The following RIT2 variants were observed in gnomAD, a reference collection of about 807,000 sequenced individuals.
The protein encoded by RIT2 is GTP-binding protein Rit2.
A neutral mutation model predicts 23.7 loss-of-function variants in RIT2; 24 were observed. The observed-to-expected ratio is 1.01, with a 90% CI of 0.73 to 1.43. The LOEUF (loss-of-function observed/expected upper bound fraction) is 1.43, where lower values mean the gene tolerates loss of function less well. Ranked by LOEUF, RIT2 falls within the 40% of genes most tolerant of loss-of-function variation. RIT2 has a pLI of 0.00. For synonymous variants in RIT2, 107 were observed against 91.1 expected (o/e 1.17, Z -0.99); for missense variants, 236 against 266.9 (o/e 0.88, Z 0.81).
intron 2 of RIT2, among the ~76,000 whole-genome samples, chr18:42,984,809 C>T (rs144479283): frequency 5.1e-4 from 77 of 151,902 alleles, no homozygotes; most frequent in African/African-American, 1.8e-3. Flanking sequence ...TAAACAAAAC[C>T]GAAAGCTAAC....
intron 4 of RIT2, among the ~76,000 whole-genome samples, chr18:42,811,848 C>T (rs1905857776): frequency 6.6e-6 from 1 of 152,012 alleles, no homozygotes; most frequent in East Asian, 1.9e-4. Context: ...GAGCAAATAT[C>T]ATGAAAACTA....
intron 1 of RIT2, among the ~76,000 whole-genome samples, chr18:43,058,689 C>T (rs1912567570): frequency 6.6e-6 from 1 of 152,018 alleles, no homozygotes; most frequent in Non-Finnish European, 1.5e-5. Context: ...GAGTTCGAGA[C>T]CAGCCTGGGC....
rs1341303206 is a variant in RIT2, at chr18:43,022,302, G to A, written c.160+11509C>T. Among the ~76,000 whole-genome samples the A allele has an allele frequency of 2.6e-5, 4 of 152,106 alleles. No homozygotes were observed. In the East Asian group the frequency reaches 7.7e-4, roughly 29 times the overall value. ...ATTTACCAGATGCTAGGAAGGGTGT[G>A]AGTGGTTGGGGATCAGGGATAAAGA... On this transcript the variant is annotated intron_variant, in intron 2 of 4. Transcript: ENST00000326695.
intron 3 of RIT2, among the ~76,000 whole-genome samples, chr18:42,943,125 T>C (rs1909644084): frequency 6.6e-6 from 1 of 152,080 alleles, no homozygotes; most frequent in African/African-American, 2.4e-5. Flanking sequence ...TTGCCACTGC[T>C]GGCTGGTGTG....
At chr18:42,885,153 T>C (rs1006353899) in intron 4 of RIT2, among the ~76,000 whole-genome samples, 5 of 152,260 alleles carry the variant, frequency 3.3e-5, no homozygotes, top group Admixed American at 2.6e-4. Context: ...ATGAGAGCAT[T>C]GAAATGGAAA....
chr18:42,860,869 C>T (rs1907307810), intron 4 of RIT2, among the ~76,000 whole-genome samples: 1 of 152,100 alleles, frequency 6.6e-6, no homozygotes, highest in South Asian at 2.1e-4. Flanking sequence ...CGCAGGTTAC[C>T]CTTTGTATGA....
chr18:43,077,535 C>T (rs80023112), intron 1 of RIT2, among the ~76,000 whole-genome samples: 13,651 of 152,060 alleles, frequency 0.09, 697 homozygotes, highest in East Asian at 0.19. Context: ...CTGTTTTTAT[C>T]ATTATTACAT....
chr18:43,007,625 A>G (rs530787463), intron 2 of RIT2, among the ~76,000 whole-genome samples: 13 of 151,812 alleles, frequency 8.6e-5, no homozygotes, highest in African/African-American at 2.2e-4. Flanking sequence ...TCAGGAGTCA[A>G]CTTGAAAAAT....
chr18:42,857,205 A>G (rs899997470), intron 4 of RIT2, among the ~76,000 whole-genome samples: 1 of 152,204 alleles, frequency 6.6e-6, no homozygotes, highest in Non-Finnish European at 1.5e-5. Context: ...AACATCCCAC[A>G]AACTACAAGG....
At chr18:43,019,985 G>A (rs1911559152) in intron 2 of RIT2, among the ~76,000 whole-genome samples, 1 of 151,344 alleles carries the variant, frequency 6.6e-6, no homozygotes, top group African/African-American at 2.4e-5. Context: ...CCAAGGTGGT[G>A]AAAGACCTCT....
chr18:43,062,345 G>A (rs1912667770), intron 1 of RIT2, among the ~76,000 whole-genome samples: 1 of 152,096 alleles, frequency 6.6e-6, no homozygotes, highest in Admixed American at 6.6e-5. Context: ...ATGGGCAGCT[G>A]TGACCCAGTT....
At chr18:42,747,556 A>G (rs1255686752) in intron 4 of RIT2, among the ~76,000 whole-genome samples, 1 of 152,096 alleles carries the variant, frequency 6.6e-6, no homozygotes, top group Non-Finnish European at 1.5e-5. Context: ...CCTAAAATTC[A>G]TATGGAAGCA....
At chr18:42,896,625 G>C (rs539718857) in intron 4 of RIT2, among the ~76,000 whole-genome samples, 2 of 152,036 alleles carry the variant, frequency 1.3e-5, no homozygotes, top group Non-Finnish European at 2.9e-5. Flanking sequence ...CTAAGATTCT[G>C]CATCCTCTTT....
At chr18:42,909,408 C>T (rs1475971429) in intron 4 of RIT2, among the ~76,000 whole-genome samples, 1 of 152,052 alleles carries the variant, frequency 6.6e-6, no homozygotes, top group African/African-American at 2.4e-5. Context: ...TCTCAGAAAT[C>T]ACAACTAAAG....
At chr18:43,029,409 A>G (rs1030792701) in intron 2 of RIT2, among the ~76,000 whole-genome samples, 2 of 152,032 alleles carry the variant, frequency 1.3e-5, no homozygotes, top group African/African-American at 4.8e-5. Flanking sequence ...AAATGAGATA[A>G]TAAAATAATA....
intron 4 of RIT2, among the ~76,000 whole-genome samples, chr18:42,846,307 T>A (rs1331664870): frequency 6.6e-6 from 1 of 151,812 alleles, no homozygotes; most frequent in Admixed American, 6.6e-5. Context: ...AAAAGCCACA[T>A]ACAAAGAAAA....
At chr18:43,115,111 T>C (rs972670361) in intron 1 of RIT2, among the ~76,000 whole-genome samples, 1 of 152,156 alleles carries the variant, frequency 6.6e-6, no homozygotes, top group Non-Finnish European at 1.5e-5. Flanking sequence ...ACCATGACAA[T>C]TTCATACTTA....
chr18:42,916,094 C>G (rs1298750030), intron 4 of RIT2, among the ~76,000 whole-genome samples: 1 of 152,038 alleles, frequency 6.6e-6, no homozygotes, highest in Non-Finnish European at 1.5e-5. Flanking sequence ...GCATACTATA[C>G]TCTAGAATCA....
At chr18:42,998,926 C>A (rs926981840) in intron 2 of RIT2, among the ~76,000 whole-genome samples, 1 of 151,988 alleles carries the variant, frequency 6.6e-6, no homozygotes, top group Non-Finnish European at 1.5e-5. Context: ...GATTGCGAAC[C>A]AGGTTACTGC....
Sources: allele counts gnomAD v4.1 joint callset (sites outside exome capture counted in the v4.1 genomes callset), GRCh38; gene constraint gnomAD v4.1.1; transcripts MANE v1.5; gene names NCBI Gene and HGNC (gene_info 2026-07-23, HGNC 2026-07-21).